The following DNAJC13 variants were observed in gnomAD, a reference collection of about 807,000 sequenced individuals.
The protein encoded by DNAJC13 is DnaJ heat shock protein family (Hsp40) member C13.
A neutral mutation model predicts 290.5 loss-of-function variants in DNAJC13; 75 were observed. The observed-to-expected ratio is 0.26, with a 90% CI of 0.21 to 0.31. The LOEUF (loss-of-function observed/expected upper bound fraction) is 0.31, where lower values mean the gene tolerates loss of function less well. DNAJC13 is among the 10% of genes least tolerant of loss of function. DNAJC13 has a pLI of 1.00. For synonymous variants in DNAJC13, 862 were observed against 892.0 expected (o/e 0.97, Z 0.60); for missense variants, 2,260 against 2,674.5 (o/e 0.85, Z 3.42).
At chr3:132,488,578 A>C in intron 30 of DNAJC13, 126 bp downstream of exon 30, 2 of 997,614 alleles carry the variant, frequency 2.0e-6, no homozygotes, top group Non-Finnish European at 2.8e-6. Flanking sequence ...CTATTTAAGT[A>C]CATGTCTAAA....
At chr3:132,501,029 A>G (rs912771346) in intron 39 of DNAJC13, 116 bp downstream of exon 39, 4 of 1,315,368 alleles carry the variant, frequency 3.0e-6, no homozygotes, top group Non-Finnish European at 4.2e-6. Context: ...AAGTAAAATT[A>G]TTTGGATTTC....
chr3:132,421,739 C>T (rs535649488), intron 1 of DNAJC13, among the ~76,000 whole-genome samples: 9 of 151,700 alleles, frequency 5.9e-5, no homozygotes, highest in African/African-American at 1.7e-4. Context: ...CATGCCTGGC[C>T]CATTTTGATT....
At chr3:132,478,245 A>T in intron 24 of DNAJC13, 105 bp downstream of exon 24, 1 of 946,794 alleles carries the variant, frequency 1.1e-6, no homozygotes, top group Non-Finnish European at 1.5e-6. Context: ...TATTACTGTA[A>T]CTTTCTGCAT....
At chr3:132,484,481 A>C (rs1371510099) in intron 28 of DNAJC13, 107 bp from the exon 29 acceptor site, 2 of 989,026 alleles carry the variant, frequency 2.0e-6, no homozygotes, top group East Asian at 5.0e-5. Flanking sequence ...GTCTTCATTA[A>C]CAAAAAAGTA....
chr3:132,488,241 T>G, intron 29 of DNAJC13, 57 bp from the exon 30 acceptor site: 2 of 1,495,564 alleles, frequency 1.3e-6, no homozygotes, highest in South Asian at 1.4e-5. Flanking sequence ...ATAAAAAACC[T>G]AAAGTGATGA....
At chr3:132,450,560 C>A in intron 5 of DNAJC13, 87 bp from the exon 6 acceptor site, 3 of 893,940 alleles carry the variant, frequency 3.4e-6, no homozygotes, top group Non-Finnish European at 5.0e-6. Context: ...GATTTTTGGT[C>A]GTTTCAATAG....
intron 31 of DNAJC13, 135 bp from the exon 32 acceptor site, chr3:132,490,762 T>G (rs927674567): frequency 3.2e-6 from 3 of 933,020 alleles, no homozygotes; most frequent in African/African-American, 3.4e-5. Context: ...TCCATCTACA[T>G]TCCCAAAGCA....
chr3:132,508,739 T>C (rs1425797994), intron 43 of DNAJC13, among the ~76,000 whole-genome samples: 1 of 152,216 alleles, frequency 6.6e-6, no homozygotes, highest in Non-Finnish European at 1.5e-5. Flanking sequence ...AGCCTGTACA[T>C]GTACCCCCGA....
At chr3:132,439,794 A>G (rs1039401933) in intron 2 of DNAJC13, among the ~76,000 whole-genome samples, 3 of 152,012 alleles carry the variant, frequency 2.0e-5, no homozygotes, top group Admixed American at 1.3e-4. Context: ...TGTCCTATCC[A>G]TTTCTTCTTT....
chr3:132,477,835 A>T lies in DNAJC13; in HGVS notation c.2492A>T (p.Tyr831Phe). 6.2e-7 allele frequency: 1 copy of T among 1,613,420 alleles called. No individual in the cohort carries two copies. The highest frequency in any genetic ancestry group is 1.3e-5 in the African/African-American group (1 of 74,990). ...LAEEIKIGDY[Y>F]LRLLLEEDEN... ...GAGGAAATTAAAATAGGAGACTATTACCTGAGATTACTATTGGAGGAAGAT... is the reference window on the plus strand; with the variant it reads ...GAGGAAATTAAAATAGGAGACTATTTCCTGAGATTACTATTGGAGGAAGAT... The change falls in exon 23 of 56, where the codon TAC becomes TTC. Residue 831 changes from tyrosine to phenylalanine, a missense_variant. Tyr to Phe is a conservative substitution (Grantham distance 22, BLOSUM62 3). This residue lies in a region of DNAJC13 where 1,494 missense variants were observed against 1,693.7 expected (regional missense o/e 0.88). Coordinates refer to ENST00000260818, the MANE Select transcript of DNAJC13 (RefSeq NM_015268.4).
At chr3:132,455,130 G>C (rs939649385) in intron 9 of DNAJC13, among the ~76,000 whole-genome samples, 1 of 150,670 alleles carries the variant, frequency 6.6e-6, no homozygotes, top group African/African-American at 2.4e-5. Flanking sequence ...GCTAATAAAG[G>C]TTTTCTATCC....
At chr3:132,418,612 T>TA (rs1408805173) in intron 1 of DNAJC13, among the ~76,000 whole-genome samples, 1 of 152,230 alleles carries the variant, frequency 6.6e-6, no homozygotes, top group Non-Finnish European at 1.5e-5. Flanking sequence ...TTTTCCCTTT[T>TA]ACGTTATTCT....
rs908005467 is a variant in DNAJC13, at chr3:132,466,080, T to C, written c.1968+10T>C. On this transcript the variant is annotated intron_variant, in intron 18 of 55. Coordinates refer to ENST00000260818, the MANE Select transcript of DNAJC13 (RefSeq NM_015268.4). ...GTTGAAACGCATTTTGGTAAGTCAG[T>C]TGAGAAATTAGGTTATATACTGCCT... The C allele has an allele frequency of 6.2e-7, 1 of 1,610,672 alleles. No individual in the cohort carries two copies. The highest frequency in any genetic ancestry group is 2.2e-5 in the East Asian group (1 of 44,842).
intron 2 of DNAJC13, among the ~76,000 whole-genome samples, chr3:132,437,424 C>A (rs1393287949): frequency 6.6e-6 from 1 of 152,194 alleles, no homozygotes; most frequent in Non-Finnish European, 1.5e-5. Flanking sequence ...CTAACCCAAG[C>A]TAACAAAGAT....
chr3:132,452,098 A>T (rs1232260244), intron 6 of DNAJC13, among the ~76,000 whole-genome samples: 1 of 152,222 alleles, frequency 6.6e-6, no homozygotes, highest in African/African-American at 2.4e-5. Context: ...AAGATACCTG[A>T]TTACAAGAAT....
At chr3:132,500,714 G>C (rs1489613338) in intron 38 of DNAJC13, 80 bp from the exon 39 acceptor site, 1 of 1,574,092 alleles carries the variant, frequency 6.4e-7, no homozygotes, top group Non-Finnish European at 8.7e-7. Flanking sequence ...ACAAATTTCT[G>C]CTGGTTTGAT....
chr3:132,482,227 G>A lies in DNAJC13; in HGVS notation c.2876G>A (p.Ser959Asn), dbSNP rs548565559. The A allele has an allele frequency of 1.9e-6, 3 of 1,608,868 alleles. No homozygotes were observed. Among genetic ancestry groups the A allele is most frequent in the African/African-American group, 1.3e-5 (1 of 74,698 alleles). ...HVSRATVPLQ[S>N]NVIEAAPDMK... The stretch of plus-strand genomic sequence containing the variant: ...AATTTAAATCTTTTTTAAACTTAGA[G>A]CAATGTAATTGAAGCTGCTCCAGAT... The change falls in exon 27 of 56, where the codon AGC (serine) becomes AAC (asparagine). Residue 959 changes from serine (S) to asparagine (N), a missense_variant and splice_region_variant. Physicochemically the swap from Ser to Asn is conservative, Grantham distance 46 (BLOSUM62 1). This residue lies in a region of DNAJC13 where 1,494 missense variants were observed against 1,693.7 expected (regional missense o/e 0.88). Transcript: ENST00000260818.
Position 132,506,753 on chromosome 3 carries a change from T to C in DNAJC13, c.4999-484T>C, listed in dbSNP as rs57238731. 7.7e-3 allele frequency among the ~76,000 whole-genome samples: 1,168 copies of C among 152,034 alleles called. 9 individuals carry two copies. The highest frequency in any genetic ancestry group is 0.027 in the African/African-American group (1,105 of 41,476). Reference sequence around the variant, plus strand: ...TTTTAGTAGAAACAGGGTTTCACCATGTTGGCCAAGATGGTCTCGATCTCT... The same window carrying C: ...TTTTAGTAGAAACAGGGTTTCACCACGTTGGCCAAGATGGTCTCGATCTCT... On this transcript the variant is annotated intron_variant, in intron 42 of 55. Transcript: ENST00000260818.
At chr3:132,458,335 A>C (rs1933682173) in intron 13 of DNAJC13, 1 of 152,194 alleles carries the variant, frequency 6.6e-6, no homozygotes, top group South Asian at 2.1e-4. Flanking sequence ...TACTTCTGTA[A>C]AACCTTGCAT....
Sources: allele counts gnomAD v4.1 joint callset (sites outside exome capture counted in the v4.1 genomes callset), GRCh38; gene constraint gnomAD v4.1.1; regional missense constraint gnomAD v4.1.1; transcripts MANE v1.5; gene names NCBI Gene and HGNC (gene_info 2026-07-23, HGNC 2026-07-21).